PTPRB: variants seen among roughly 807,000 people sequenced by gnomAD.
The protein encoded by PTPRB is receptor-type tyrosine-protein phosphatase beta.
PTPRB carries 97 observed loss-of-function variants against 238.1 expected under a neutral mutation model. The ratio of observed to expected loss-of-function variants is 0.41; its 90% CI spans 0.35 to 0.48. The LOEUF is 0.48. PTPRB is among the 20% of genes least tolerant of loss of function. The probability of loss-of-function intolerance (pLI) is 0.30; values close to 1 mark genes in which losing one functional copy is unlikely to be tolerated. For synonymous variants in PTPRB, 970 were observed against 995.4 expected (o/e 0.97, Z 0.48); for missense variants, 2,292 against 2,681.9 (o/e 0.85, Z 3.21).
intron 2 of PTPRB, among the ~76,000 whole-genome samples, chr12:70,630,884 C>T (rs1306748465): frequency 1.3e-5 from 2 of 152,126 alleles, no homozygotes; most frequent in African/African-American, 4.8e-5. Flanking sequence ...ATGTGAAGGA[C>T]CTCTTCAAGG....
intron 8 of PTPRB, 38 bp downstream of exon 8, chr12:70,589,926 A>C: frequency 6.3e-7 from 1 of 1,581,570 alleles, no homozygotes; most frequent in Non-Finnish European, 8.6e-7. Flanking sequence ...GGAACAAATT[A>C]CTCTTCCATT....
chr12:70,579,495 G>A (rs1276118005), intron 10 of PTPRB, among the ~76,000 whole-genome samples: 1 of 152,000 alleles, frequency 6.6e-6, no homozygotes, highest in Non-Finnish European at 1.5e-5. Flanking sequence ...TCAGGAGATC[G>A]AGACCATCCT....
At chr12:70,617,606 C>G (rs574777000) in intron 3 of PTPRB, among the ~76,000 whole-genome samples, 23 of 152,268 alleles carry the variant, frequency 1.5e-4, no homozygotes, top group African/African-American at 5.5e-4. Flanking sequence ...GGTGTCTCCC[C>G]TGCATACTTT....
rs772033071 is a variant in PTPRB, at chr12:70,609,172, G to T, written c.876C>A (p.Asp292Glu). ...GAAGGTTACATCCGTATGTGGTGTT[G>T]TCTATCCGAAAGGTAGGGCACAACG... Reference protein sequence around the residue: ...GAALCPTFRIDNTTYGCNLQD... With the variant: ...GAALCPTFRIENTTYGCNLQD... Residue 292 changes from aspartate to glutamate, a missense_variant, in exon 4 of 34, where the codon GAC becomes GAA. By Grantham distance (45) the Asp-to-Glu change is conservative (BLOSUM62 2). Transcript: ENST00000334414. 1.9e-6 allele frequency: 3 copies of T among 1,614,058 alleles called. No individual in the cohort carries two copies. The highest frequency in any genetic ancestry group is 2.5e-6 in the Non-Finnish European group (3 of 1,179,904).
At chr12:70,609,752 G>C in intron 3 of PTPRB, 4 of 1,574,292 alleles carry the variant, frequency 2.5e-6, no homozygotes, top group Non-Finnish European at 3.4e-6. Context: ...CCCTTCTCGG[G>C]CCACTCACCT....
Position 70,581,204 on chromosome 12 carries a change from G to A in PTPRB, c.2410C>T (p.Gln804Ter). 6.2e-7 allele frequency: 1 copy of A among 1,613,920 alleles called. No individual in the cohort carries two copies. The highest frequency in any genetic ancestry group is 2.2e-5 in the East Asian group (1 of 44,884). ...ACATTTTCATGGATCAGTAAGACTTGGTAAAATTCTACGTCTCCTTGTGCC... is the reference window on the plus strand; with the variant it reads ...ACATTTTCATGGATCAGTAAGACTTAGTAAAATTCTACGTCTCCTTGTGCC... The part of the protein sequence containing the change: ...TQAQGDVEFY[Q>*]VLLIHENVVI... Residue 804 changes from glutamine to a stop codon, truncating the protein, a stop_gained, in exon 10 of 34, where the codon CAA (glutamine) becomes TAA (stop). Transcript: ENST00000334414. LOFTEE classifies it high-confidence loss of function.
intron 8 of PTPRB, among the ~76,000 whole-genome samples, chr12:70,588,249 T>C (rs1330406582): frequency 1.3e-5 from 2 of 152,240 alleles, no homozygotes; most frequent in African/African-American, 2.4e-5. Context: ...TAACTCTCCA[T>C]CTTCCTTCTT....
At position 70,524,580 on chromosome 12, in the gene PTPRB, G is replaced by A; in HGVS notation, c.6516C>T (p.Val2172=). ...CATCTCTTACACACTGATGTAGGTAGACATACTGACACTGTGGAAAAGCAG... is the reference window on the plus strand; with the variant it reads ...CATCTCTTACACACTGATGTAGGTAAACATACTGACACTGTGGAAAAGCAG... The part of the protein sequence containing the change: ...VHMVQTECQY[V]YLHQCVRDVL... The change falls in exon 33 of 34, where the codon GTC becomes GTT. Residue 2172 remains valine, a synonymous_variant. Coordinates refer to ENST00000334414, the MANE Select transcript of PTPRB (RefSeq NM_001109754.4). 2 of 1,610,632 alleles carry A rather than the reference G, an allele frequency of 1.2e-6. No individual in the cohort carries two copies. Among genetic ancestry groups the A allele is most frequent in the Non-Finnish European group, 1.7e-6 (2 of 1,178,202 alleles).
At position 70,536,057 on chromosome 12, in the gene PTPRB, C is replaced by T. The variant is rs780239596; in HGVS notation, c.6049G>A (p.Val2017Ile). The change falls in exon 29 of 34, where the codon GTC becomes ATC. Residue 2017 changes from valine (V) to isoleucine (I), a missense_variant. Physicochemically the swap from Val to Ile is conservative, Grantham distance 29. Around this residue, in one of 4 missense-constraint regions of PTPRB, gnomAD observed 397 missense variants for 502.0 expected, o/e 0.79. Transcript: ENST00000334414. ...TTCTCAACACACTGGGTCACCATGACGATGTTGTGAACGTTTTGTTCCCAC... is the reference window on the plus strand; with the variant it reads ...TTCTCAACACACTGGGTCACCATGATGATGTTGTGAACGTTTTGTTCCCAC... ...MVWEQNVHNI[V>I]MVTQCVEKGR... 19 of 1,613,636 alleles carry T rather than the reference C, an allele frequency of 1.2e-5. No homozygotes were observed. The highest frequency in any genetic ancestry group is 2.2e-5 in the South Asian group (2 of 91,074).
At chr12:70,620,847 G>T (rs1419439208) in intron 3 of PTPRB, among the ~76,000 whole-genome samples, 1 of 152,178 alleles carries the variant, frequency 6.6e-6, no homozygotes, top group Non-Finnish European at 1.5e-5. Context: ...GAAAACTCAG[G>T]ATGAGGGGGT....
chr12:70,597,072 T>C (rs1883094830), intron 4 of PTPRB, among the ~76,000 whole-genome samples: 1 of 151,904 alleles, frequency 6.6e-6, no homozygotes, highest in African/African-American at 2.4e-5. Flanking sequence ...CACACGCCAC[T>C]GTGTCCGGTG....
At chr12:70,612,155 T>C (rs1039949063) in intron 3 of PTPRB, among the ~76,000 whole-genome samples, 4 of 152,236 alleles carry the variant, frequency 2.6e-5, no homozygotes, top group Non-Finnish European at 5.9e-5. Context: ...AACTTTAATG[T>C]GCTAGCAGAA....
chr12:70,570,029 C>T, intron 13 of PTPRB, 91 bp from the exon 14 acceptor site: 2 of 1,226,564 alleles, frequency 1.6e-6, no homozygotes, highest in Non-Finnish European at 2.3e-6. Context: ...GATGTTTTGG[C>T]ACCCACTGAG....
chr12:70,593,817 C>G (rs192697269), intron 6 of PTPRB, among the ~76,000 whole-genome samples: 69 of 152,296 alleles, frequency 4.5e-4, no homozygotes, highest in Non-Finnish European at 8.5e-4. Flanking sequence ...TTAATTCACA[C>G]ATTAGACTTG....
intron 3 of PTPRB, among the ~76,000 whole-genome samples, chr12:70,620,537 T>C (rs896787780): frequency 1.3e-5 from 2 of 152,248 alleles, no homozygotes; most frequent in Non-Finnish European, 2.9e-5. Context: ...TACTGTTACA[T>C]ATATTTAAGC....
intron 3 of PTPRB, among the ~76,000 whole-genome samples, chr12:70,619,434 A>G (rs748052206): frequency 1.3e-5 from 2 of 152,110 alleles, no homozygotes; most frequent in Non-Finnish European, 2.9e-5. Context: ...CCATCAAGAA[A>G]TGGAATCTAT....
Position 70,597,259 on chromosome 12 carries a change from G to T in PTPRB, c.980-932C>A, listed in dbSNP as rs146532251. The stretch of plus-strand genomic sequence containing the variant: ...AGGTTTTTAAAATCTCAATTTTGGG[G>T]CACTTTGGTGCTGCCAGAGCACCCA... On this transcript the variant is annotated intron_variant, in intron 4 of 33. Coordinates refer to ENST00000334414, the MANE Select transcript of PTPRB (RefSeq NM_001109754.4). 7.2e-4 allele frequency among the ~76,000 whole-genome samples: 109 copies of T among 152,210 alleles called. No homozygotes were observed. The East Asian group carries it at 0.017, about 24-fold the overall frequency.
At chr12:70,632,221 A>T (rs1237043746) in intron 2 of PTPRB, among the ~76,000 whole-genome samples, 2 of 152,224 alleles carry the variant, frequency 1.3e-5, no homozygotes, top group African/African-American at 4.8e-5. Context: ...AATGTGGCAC[A>T]TATACACCAT....
intron 3 of PTPRB, among the ~76,000 whole-genome samples, chr12:70,620,584 G>C (rs1048095627): frequency 6.6e-6 from 1 of 152,044 alleles, no homozygotes; most frequent in Admixed American, 6.6e-5. Context: ...ACTGATGTTA[G>C]AATGGAAGTT....
Sources: gnomAD v4.1 joint callset for allele counts (sites outside exome capture counted in the v4.1 genomes callset) on GRCh38, gnomAD v4.1.1 for gene constraint, gnomAD v4.1.1 regional missense constraint, MANE v1.5 for transcripts, NCBI Gene and HGNC (gene_info 2026-07-23, HGNC 2026-07-21) for gene names.